The following SEPTIN7 variants were observed in gnomAD, a reference collection of about 807,000 sequenced individuals.
SEPTIN7 encodes septin 7, also known as septin-7.
Under a neutral mutation model 63.3 loss-of-function variants are expected in SEPTIN7, and 10 were observed. That is an observed-to-expected ratio of 0.16 (90% confidence interval 0.10 to 0.27). SEPTIN7 has a LOEUF of 0.27. Ranked by LOEUF, SEPTIN7 falls within the 10% of genes least tolerant of loss-of-function variation. The pLI is 1.00. For missense variants in SEPTIN7, 310 were observed against 521.0 expected, an observed-to-expected ratio of 0.59 and a Z score of 3.94; for synonymous variants, 131 against 165.3, an observed-to-expected ratio of 0.79 and a Z score of 1.59.
At chr7:35,815,063 T>C (rs536144668) in intron 1 of SEPTIN7, 18 of 317,290 alleles carry the variant, frequency 5.7e-5, no homozygotes, top group African/African-American at 3.4e-4. Context: ...ATATATTAAT[T>C]TTTTTCATTG....
chr7:35,875,339 A>G (rs191519134), intron 6 of SEPTIN7, among the ~76,000 whole-genome samples: 3 of 152,286 alleles, frequency 2.0e-5, no homozygotes, highest in African/African-American at 4.8e-5. Context: ...CCTTTGGTAC[A>G]TGATATTGTG....
chr7:35,815,245 G>GTA, intron 1 of SEPTIN7: 1 of 380,932 alleles, frequency 2.6e-6, no homozygotes, highest in Non-Finnish European at 5.1e-6. Flanking sequence ...TGAGAGTAGT[G>GTA]ATTAAGAACC....
chr7:35,898,150 CAT>C (rs1788066616), intron 11 of SEPTIN7, 96 bp from the exon 12 acceptor site: 4 of 785,544 alleles, frequency 5.1e-6, no homozygotes, highest in Admixed American at 3.1e-5. Context: ...TTAATAGTGA[CAT>C]ATAGCATCTG....
intron 1 of SEPTIN7, among the ~76,000 whole-genome samples, chr7:35,819,719 CTG>C (rs1460699343): frequency 3.9e-5 from 6 of 151,920 alleles, no homozygotes; most frequent in African/African-American, 7.3e-5. Flanking sequence ...TCTTTTAAGT[CTG>C]TGTTTTCTGA....
downstream of SEPTIN7, among the ~76,000 whole-genome samples, chr7:35,909,178 C>G (rs1011398989): frequency 2.6e-5 from 4 of 152,058 alleles, no homozygotes; most frequent in Admixed American, 6.6e-5. Flanking sequence ...CTCTGGCTTA[C>G]CCTGATAAAG....
intron 4 of SEPTIN7, among the ~76,000 whole-genome samples, chr7:35,865,186 T>A (rs995810267): frequency 6.6e-6 from 1 of 152,142 alleles, no homozygotes; most frequent in African/African-American, 2.4e-5. Flanking sequence ...AATTTGGGTA[T>A]CTATTAGGAA....
At chr7:35,889,858 G>A (rs1309299869) in intron 10 of SEPTIN7, among the ~76,000 whole-genome samples, 2 of 152,066 alleles carry the variant, frequency 1.3e-5, no homozygotes, top group African/African-American at 2.4e-5. Context: ...ATACACCTTT[G>A]TGTTTGTCTC....
At chr7:35,901,917 T>A (rs1435493648) in intron 12 of SEPTIN7, 3 of 152,152 alleles carry the variant, frequency 2.0e-5, no homozygotes, top group Non-Finnish European at 4.4e-5. Context: ...TCATGTTTGC[T>A]TAAGTGTGTC....
chr7:35,830,017 C>T (rs1783750605), intron 1 of SEPTIN7, among the ~76,000 whole-genome samples: 1 of 151,996 alleles, frequency 6.6e-6, no homozygotes, highest in South Asian at 2.1e-4. Flanking sequence ...GAAACCCCAT[C>T]TCTACTAAAA....
intron 3 of SEPTIN7, among the ~76,000 whole-genome samples, chr7:35,860,288 CATT>C (rs1785435943): frequency 1.3e-5 from 2 of 152,196 alleles, no homozygotes; most frequent in South Asian, 4.1e-4. Context: ...TCGTAAATTA[CATT>C]ATTATACATT....
At chr7:35,893,125 A>G (rs1450937924) in intron 11 of SEPTIN7, among the ~76,000 whole-genome samples, 2 of 152,172 alleles carry the variant, frequency 1.3e-5, no homozygotes, top group Non-Finnish European at 2.9e-5. Context: ...CTCATAGCTC[A>G]GTACATATCC....
intron 4 of SEPTIN7, among the ~76,000 whole-genome samples, chr7:35,870,786 A>G (rs1409874661): frequency 6.7e-6 from 1 of 149,692 alleles, no homozygotes; most frequent in Non-Finnish European, 1.5e-5. Flanking sequence ...ATAATCTGCC[A>G]TGCACTCCAG....
intron 3 of SEPTIN7, chr7:35,846,662 T>C (rs1018278412): frequency 1.3e-5 from 2 of 153,620 alleles, no homozygotes; most frequent in Non-Finnish European, 2.9e-5. Flanking sequence ...CCTCAGACTT[T>C]AGGAAATGGC....
intron 7 of SEPTIN7, among the ~76,000 whole-genome samples, chr7:35,880,229 T>C (rs1325651742): frequency 1.5e-4 from 21 of 144,730 alleles, no homozygotes; most frequent in South Asian, 4.3e-4. Flanking sequence ...TTTTCTTTTT[T>C]TTTTTTTTTT....
intron 3 of SEPTIN7, among the ~76,000 whole-genome samples, chr7:35,839,130 T>G (rs1469787494): frequency 6.6e-6 from 1 of 152,202 alleles, no homozygotes; most frequent in Non-Finnish European, 1.5e-5. Context: ...ATAAACATGG[T>G]GAGACTTATT....
intron 1 of SEPTIN7, among the ~76,000 whole-genome samples, chr7:35,804,790 C>T (rs1788216139): frequency 6.7e-6 from 1 of 149,972 alleles, no homozygotes; most frequent in Admixed American, 6.6e-5. Context: ...ATTGTACTGA[C>T]TACTGTAAAC....
intron 3 of SEPTIN7, among the ~76,000 whole-genome samples, chr7:35,861,985 A>T (rs981595966): frequency 1.3e-5 from 2 of 152,164 alleles, no homozygotes; most frequent in African/African-American, 4.8e-5. Context: ...CTGTAAGGTT[A>T]ATTCAACTAA....
downstream of SEPTIN7, among the ~76,000 whole-genome samples, chr7:35,908,482 C>T (rs1329801809): frequency 6.6e-6 from 1 of 152,088 alleles, no homozygotes. Context: ...AGCCTGAAAC[C>T]CTATTGGCCA....
intron 4 of SEPTIN7, among the ~76,000 whole-genome samples, chr7:35,865,093 A>C (rs1562559473): frequency 6.6e-6 from 1 of 152,010 alleles, no homozygotes; most frequent in Non-Finnish European, 1.5e-5. Flanking sequence ...TGCTCTAAAA[A>C]CTTGTTCCTA....
Sources: gnomAD v4.1 joint callset for allele counts (sites outside exome capture counted in the v4.1 genomes callset) on GRCh38, gnomAD v4.1.1 for gene constraint, MANE v1.5 for transcripts, NCBI Gene and HGNC (gene_info 2026-07-23, HGNC 2026-07-21) for gene names.